The following LRRC39 variants were observed in gnomAD, a reference collection of about 807,000 sequenced individuals.
The protein encoded by LRRC39 is leucine rich repeat containing 39.
LRRC39 carries 35 observed loss-of-function variants against 39.7 expected under a neutral mutation model. That is an observed-to-expected ratio of 0.88 (90% CI 0.67 to 1.17). The LOEUF (loss-of-function observed/expected upper bound fraction) is 1.17. LRRC39 is among the 50% of genes most tolerant of loss of function. The pLI, the probability that LRRC39 is intolerant of heterozygous loss-of-function variation, is 0.00. For missense variants in LRRC39, 357 were observed against 385.8 expected (o/e 0.93, Z 0.62); for synonymous variants, 113 against 134.1 (o/e 0.84, Z 1.09).
intron 3 of LRRC39, among the ~76,000 whole-genome samples, chr1:100,166,084 G>A (rs993948562): frequency 6.6e-6 from 1 of 152,034 alleles, no homozygotes; most frequent in African/African-American, 2.4e-5. Flanking sequence ...TTTGCTGACT[G>A]TCATGTAAGA....
intron 2 of LRRC39, among the ~76,000 whole-genome samples, chr1:100,172,660 T>A (rs1298731745): frequency 4.2e-5 from 6 of 142,186 alleles, no homozygotes; most frequent in African/African-American, 1.6e-4. Flanking sequence ...CCGTCTCTAC[T>A]AAAATACCAA....
At chr1:100,156,022 A>C in intron 7 of LRRC39, 150 bp downstream of exon 7, 1 of 725,938 alleles carries the variant, frequency 1.4e-6, no homozygotes, top group African/African-American at 1.8e-5. Context: ...TACTTGGAAC[A>C]AATGAAAATA....
In LRRC39 at chr1:100,148,871, A is replaced by T. The variant is rs1042459329; in HGVS notation, c.*171T>A. 4.0e-6 allele frequency: 5 copies of T among 1,235,946 alleles called. No homozygotes were observed. The highest frequency in any genetic ancestry group is 5.2e-6 in the Non-Finnish European group (5 of 956,278). 76.6% of individuals were successfully genotyped at this position (1,235,946 alleles called of 1,614,324 possible). A position where few individuals can be genotyped will look rare whatever the true frequency, so the allele number is the denominator to read the frequency against. On this transcript the variant is annotated 3_prime_UTR_variant, in exon 10 of 10. Coordinates refer to ENST00000370137, the MANE Select transcript of LRRC39 (RefSeq NM_144620.4). Reference sequence around the variant, plus strand: ...GTCTTCCACCAAAAAAAATTTTTTAATTATATTTTTATATCAAAAAAATAT... The same window carrying T: ...GTCTTCCACCAAAAAAAATTTTTTATTTATATTTTTATATCAAAAAAATAT...
chr1:100,149,455 A>T, intron 9 of LRRC39: 1 of 1,534,436 alleles, frequency 6.5e-7, no homozygotes, highest in Non-Finnish European at 8.8e-7. Flanking sequence ...AAGAAAAAAG[A>T]TTATTTCACT....
At chr1:100,149,131 G>T (rs771705823) in intron 9 of LRRC39, 34 bp from the exon 10 acceptor site, 2 of 1,570,732 alleles carry the variant, frequency 1.3e-6, no homozygotes, top group African/African-American at 2.8e-5. Flanking sequence ...CACATAATTA[G>T]CGTATTTCTG....
At chr1:100,171,278 T>A (rs2101795433) in intron 2 of LRRC39, among the ~76,000 whole-genome samples, 1 of 152,208 alleles carries the variant, frequency 6.6e-6, no homozygotes, top group South Asian at 2.1e-4. Flanking sequence ...TATCCTACAA[T>A]GACAGAATAC....
intron 1 of LRRC39, among the ~76,000 whole-genome samples, chr1:100,175,293 C>T (rs1356239440): frequency 6.6e-6 from 1 of 151,762 alleles, no homozygotes; most frequent in Non-Finnish European, 1.5e-5. Context: ...ATCTCCTGGG[C>T]CCCCTCTGCC....
chr1:100,150,752 T>C (rs1657913680), intron 9 of LRRC39, among the ~76,000 whole-genome samples: 3 of 152,300 alleles, frequency 2.0e-5, no homozygotes, highest in Middle Eastern at 6.8e-3. Context: ...CTGCAGAATT[T>C]TCAGATTCAA....
intron 1 of LRRC39, among the ~76,000 whole-genome samples, chr1:100,177,910 TGCA>T (rs1660065918): frequency 6.6e-6 from 1 of 152,178 alleles, no homozygotes; most frequent in Non-Finnish European, 1.5e-5. Context: ...AGAAAAGAAT[TGCA>T]GAAGAATTGT....
chr1:100,174,298 G>A (rs1659823879), intron 1 of LRRC39, among the ~76,000 whole-genome samples: 2 of 151,522 alleles, frequency 1.3e-5, no homozygotes, highest in Non-Finnish European at 1.5e-5. Flanking sequence ...GAACATTGTG[G>A]AAATTTTTTT....
rs1478979565 is a variant in LRRC39, at chr1:100,149,041, A to G, written c.*1T>C. 1 of 1,586,610 alleles carries G rather than the reference A, an allele frequency of 6.3e-7. No individual in the cohort carries two copies. Among genetic ancestry groups the G allele is most frequent in the Non-Finnish European group, 8.5e-7 (1 of 1,169,788 alleles). On this transcript the variant is annotated 3_prime_UTR_variant, in exon 10 of 10. Coordinates refer to ENST00000370137, the MANE Select transcript of LRRC39 (RefSeq NM_144620.4). ...TCTTTAGAAGGGCATCTTGAATTAT[A>G]TTATCCATCCGTATTTATGGAGATT... is the stretch of plus-strand genomic sequence containing the variant.
chr1:100,149,549 G>A, intron 9 of LRRC39: 1 of 1,025,496 alleles, frequency 9.8e-7, no homozygotes, highest in Non-Finnish European at 1.4e-6. Flanking sequence ...AATAATTTCT[G>A]AAGTTGATTA....
intron 1 of LRRC39, among the ~76,000 whole-genome samples, chr1:100,175,552 A>G (rs539079951): frequency 6.6e-6 from 1 of 152,270 alleles, no homozygotes; most frequent in South Asian, 2.1e-4. Context: ...CTACATTACA[A>G]TTAAGAACCT....
chr1:100,158,667 ACCTCGTGATCCGCCTG>A (rs1283986413), intron 5 of LRRC39, among the ~76,000 whole-genome samples: 1 of 151,556 alleles, frequency 6.6e-6, no homozygotes, highest in Non-Finnish European at 1.5e-5. Context: ...CGATTTCCTG[ACCTCGTGATCCGCCTG>A]CCTCGGCCTC....
chr1:100,150,278 A>G (rs1320006459), intron 9 of LRRC39: 1 of 152,184 alleles, frequency 6.6e-6, no homozygotes, highest in African/African-American at 2.4e-5. Flanking sequence ...TATCTCTTTA[A>G]GTTGTTAACT....
intron 2 of LRRC39, among the ~76,000 whole-genome samples, chr1:100,170,188 T>C (rs1659500814): frequency 6.6e-6 from 1 of 152,180 alleles, no homozygotes; most frequent in African/African-American, 2.4e-5. Flanking sequence ...ATCCTGCACA[T>C]GAATGTTGAT....
intron 8 of LRRC39, among the ~76,000 whole-genome samples, chr1:100,153,958 C>T (rs1658260770): frequency 6.6e-6 from 1 of 151,708 alleles, no homozygotes; most frequent in Non-Finnish European, 1.5e-5. Flanking sequence ...TCCCTTTGTG[C>T]TTATTTAGGA....
intron 2 of LRRC39, among the ~76,000 whole-genome samples, chr1:100,170,055 G>C (rs1659490177): frequency 6.6e-6 from 1 of 152,122 alleles, no homozygotes; most frequent in Non-Finnish European, 1.5e-5. Flanking sequence ...ACAAAATCCT[G>C]AGTGTTGTTT....
At position 100,177,935 on chromosome 1, in the gene LRRC39, G is replaced by A. The variant is rs1448256310; in HGVS notation, c.-119+200C>T. Among the ~76,000 whole-genome samples the A allele has an allele frequency of 3.3e-5, 5 of 152,272 alleles. No individual in the cohort carries two copies. The East Asian group carries it at 9.6e-4, about 29-fold the overall frequency. ...TGCAGAAGAATTGTTTCTTACTTCTGGGGAAATCTATCTTCCAGAGGAGCA... is the reference window on the plus strand; with the variant it reads ...TGCAGAAGAATTGTTTCTTACTTCTAGGGAAATCTATCTTCCAGAGGAGCA... On this transcript the variant is annotated intron_variant, in intron 1 of 9. Coordinates refer to ENST00000370137, the MANE Select transcript of LRRC39 (RefSeq NM_144620.4).
Sources: allele counts gnomAD v4.1 joint callset (sites outside exome capture counted in the v4.1 genomes callset), GRCh38; gene constraint gnomAD v4.1.1; transcripts MANE v1.5; gene names NCBI Gene and HGNC (gene_info 2026-07-23, HGNC 2026-07-21).